NINJ2: variants seen among roughly 807,000 people sequenced by gnomAD.
NINJ2 encodes the protein ninjurin 2, also known as ninjurin-2.
NINJ2 carries 12 observed loss-of-function variants against 11.7 expected under a neutral mutation model. The ratio of observed to expected loss-of-function variants is 1.02; its 90% CI spans 0.66 to 1.66. The LOEUF is 1.66. Ranked by LOEUF, NINJ2 falls within the 40% of genes most tolerant of loss-of-function variation. The pLI, the probability that NINJ2 is intolerant of heterozygous loss-of-function variation, is 0.00. For missense variants in NINJ2, 187 were observed against 181.8 expected (o/e 1.03, Z -0.16); for synonymous variants, 93 against 76.8 (o/e 1.21, Z -1.10).
chr12:568,747 A>AGGAGTG (rs1309638118), intron 1 of NINJ2, among the ~76,000 whole-genome samples: 1 of 152,236 alleles, frequency 6.6e-6, no homozygotes, highest in Non-Finnish European at 1.5e-5. Context: ...GAGGGTAATC[A>AGGAGTG]GGAGTGTGCA....
chr12:636,214 TA>T (rs1217476094), intron 1 of NINJ2, among the ~76,000 whole-genome samples: 4 of 148,658 alleles, frequency 2.7e-5, no homozygotes, highest in Non-Finnish European at 5.9e-5. Context: ...CCGTCTCTAC[TA>T]AAAACACAAA....
chr12:609,013 G>A (rs1000671033), intron 1 of NINJ2, among the ~76,000 whole-genome samples: 1 of 151,856 alleles, frequency 6.6e-6, no homozygotes, highest in Non-Finnish European at 1.5e-5. Flanking sequence ...CATACACGGC[G>A]CCACGCTAGG....
intron 1 of NINJ2, among the ~76,000 whole-genome samples, chr12:599,677 C>T (rs1947840455): frequency 6.6e-6 from 1 of 152,198 alleles, no homozygotes; most frequent in Non-Finnish European, 1.5e-5. Context: ...CCTGACTTGC[C>T]TCAGTAGAGT....
intron 1 of NINJ2, among the ~76,000 whole-genome samples, chr12:599,591 G>A (rs563864697): frequency 3.3e-5 from 5 of 152,244 alleles, no homozygotes; most frequent in African/African-American, 1.2e-4. Context: ...CCATTTACTG[G>A]TGAGAAAACA....
intron 1 of NINJ2, among the ~76,000 whole-genome samples, chr12:569,563 C>A (rs1403682825): frequency 6.6e-6 from 1 of 152,214 alleles, no homozygotes; most frequent in East Asian, 1.9e-4. Context: ...CCCCTTCCCC[C>A]CAAATGTATC....
chr12:610,263 C>T (rs1948010582), intron 1 of NINJ2: 9 of 1,184,538 alleles, frequency 7.6e-6, no homozygotes, highest in Non-Finnish European at 9.7e-6. Context: ...GCCCCTCTGG[C>T]AGCCCTCTTC....
rs1449291058 is a variant in NINJ2, at chr12:580,598, A to AT, written c.34-14421_34-14420insA. The stretch of plus-strand genomic sequence containing the variant: ...AGAGACCCTGTCTCAAAAAAAAAAA[A>AT]ATATATATATATATATATCCATTTG... On this transcript the variant is annotated intron_variant, in intron 1 of 3. Coordinates refer to ENST00000305108, the MANE Select transcript of NINJ2 (RefSeq NM_016533.6). The surrounding 1 kb of genome is among the most constrained non-coding windows in gnomAD (Gnocchi z 4.7). 7.9e-3 allele frequency among the ~76,000 whole-genome samples: 478 copies of AT among 60,494 alleles called. 6 individuals are homozygous for AT. Among genetic ancestry groups the AT allele is most frequent in the East Asian group, 0.021 (63 of 2,976 alleles). 39.7% of individuals were successfully genotyped at this position (60,494 alleles called of 152,430 possible).
chr12:588,506 A>G (rs775863435), intron 1 of NINJ2, among the ~76,000 whole-genome samples: 9 of 152,356 alleles, frequency 5.9e-5, no homozygotes, highest in African/African-American at 9.6e-5. Context: ...TGTCATTCTC[A>G]TAACAATCCC....
At chr12:608,726 A>G (rs1188578807) in intron 1 of NINJ2, among the ~76,000 whole-genome samples, 3 of 131,544 alleles carry the variant, frequency 2.3e-5, no homozygotes, top group Non-Finnish European at 4.8e-5. Flanking sequence ...ATAACTCAGC[A>G]ATGTGGTGAG....
At chr12:573,530 G>A (rs1947409121) in intron 1 of NINJ2, among the ~76,000 whole-genome samples, 1 of 152,060 alleles carries the variant, frequency 6.6e-6, no homozygotes, top group Non-Finnish European at 1.5e-5. Flanking sequence ...AGTGGGACAA[G>A]ATTGCACCAC....
intron 1 of NINJ2, among the ~76,000 whole-genome samples, chr12:634,265 CTTTTTTT>C (rs67797144): frequency 4.9e-4 from 29 of 59,526 alleles, no homozygotes; most frequent in African/African-American, 1.4e-3. Context: ...AGTTGCAGTT[CTTTTTTT>C]TTTTTTTTTT....
At chr12:634,451 G>T (rs1948322873) in intron 1 of NINJ2, among the ~76,000 whole-genome samples, 1 of 151,874 alleles carries the variant, frequency 6.6e-6, no homozygotes, top group Admixed American at 6.6e-5. Context: ...AGTAGAGACG[G>T]AATTTCACCA....
chr12:565,206 T>C lies in NINJ2; in HGVS notation c.*18+11A>G. 6.3e-7 allele frequency: 1 copy of C among 1,595,718 alleles called. No individual in the cohort carries two copies. The highest frequency in any genetic ancestry group is 8.6e-7 in the Non-Finnish European group (1 of 1,168,938). Reference sequence around the variant, plus strand: ...AGTCCCTGGAGCTGGGGTTCCTCCATCCTCCCTCACCTGGGTCCCAGGCTG... The same window carrying C: ...AGTCCCTGGAGCTGGGGTTCCTCCACCCTCCCTCACCTGGGTCCCAGGCTG... On this transcript the variant is annotated intron_variant, in intron 3 of 3. Transcript: ENST00000305108.
chr12:637,136 G>A (rs1948361859), intron 1 of NINJ2, among the ~76,000 whole-genome samples: 1 of 152,108 alleles, frequency 6.6e-6, no homozygotes, highest in African/African-American at 2.4e-5. Context: ...AGATCACAAG[G>A]TCAGGAGTTC....
intron 1 of NINJ2, among the ~76,000 whole-genome samples, chr12:602,725 A>T (rs2607920): frequency 0.85 from 130,156 of 152,278 alleles, 56,063 homozygotes; most frequent in African/African-American, 0.96. Context: ...CAGCCAGTAA[A>T]GTAGGAGATT....
intron 1 of NINJ2, among the ~76,000 whole-genome samples, chr12:622,699 G>A (rs1259451143): frequency 2.0e-5 from 3 of 151,884 alleles, no homozygotes; most frequent in Admixed American, 2.0e-4. Context: ...TTAACTTTTC[G>A]GGTCACAGAC....
chr12:580,477 A>T lies in NINJ2; in HGVS notation c.34-14299T>A, dbSNP rs1040093443. ...GTGGTGCACGCCTATAATTCCAGCT[A>T]CTCGGGAGGCTGAGGCAGGAGAATC... On this transcript the variant is annotated intron_variant, in intron 1 of 3. Coordinates refer to ENST00000305108, the MANE Select transcript of NINJ2 (RefSeq NM_016533.6). The surrounding 1 kb of genome is among the most constrained non-coding windows in gnomAD (Gnocchi z 4.7). 1.3e-5 allele frequency among the ~76,000 whole-genome samples: 2 copies of T among 151,920 alleles called. No homozygotes were observed. The highest frequency in any genetic ancestry group is 2.9e-5 in the Non-Finnish European group (2 of 67,994).
chr12:659,076 C>T lies in NINJ2; in HGVS notation c.33+4252G>A, dbSNP rs1037795206. Among the ~76,000 whole-genome samples the T allele has an allele frequency of 1.0e-4, 14 of 136,298 alleles. No homozygotes were observed. In the South Asian group the frequency reaches 3.4e-3, roughly 33 times the overall value. The allele number at this position is 136,298 out of a possible 152,430, so 89.4% of individuals were successfully genotyped here. ...ATAATATATATATAATATATAACTG[C>T]TTATATATATATATGTCTTTAAAAA... is the stretch of plus-strand genomic sequence containing the variant. On this transcript the variant is annotated intron_variant, in intron 1 of 3. Transcript: ENST00000305108.
At chr12:637,210 G>A (rs183226252) in intron 1 of NINJ2, among the ~76,000 whole-genome samples, 46 of 151,400 alleles carry the variant, frequency 3.0e-4, no homozygotes, top group Non-Finnish European at 2.2e-4. Flanking sequence ...TTAGCCAGGC[G>A]TGGTGGTGCA....
Sources: gnomAD v4.1 joint callset for allele counts (sites outside exome capture counted in the v4.1 genomes callset) on GRCh38, gnomAD v4.1.1 for gene constraint, Gnocchi (gnomAD v3.1) non-coding constraint, MANE v1.5 for transcripts, NCBI Gene and HGNC (gene_info 2026-07-23, HGNC 2026-07-21) for gene names.